The following PPP1R13B variants were observed in gnomAD, a reference collection of about 807,000 sequenced individuals.
PPP1R13B encodes apoptosis-stimulating of p53 protein 1.
A neutral mutation model predicts 119.8 loss-of-function variants in PPP1R13B; 44 were observed. That is an observed-to-expected ratio of 0.37 (90% confidence interval 0.29 to 0.47). The LOEUF (loss-of-function observed/expected upper bound fraction) is 0.47. Among genes scored for constraint, PPP1R13B ranks in the 20% least tolerant of loss-of-function variants. The pLI is 0.99. For synonymous variants in PPP1R13B, 542 were observed against 561.5 expected, an observed-to-expected ratio of 0.97 and a Z score of 0.49; for missense variants, 1,227 against 1,413.5, an observed-to-expected ratio of 0.87 and a Z score of 2.12.
At chr14:103,779,124 C>T (rs1341229035) in intron 3 of PPP1R13B, among the ~76,000 whole-genome samples, 2 of 151,790 alleles carry the variant, frequency 1.3e-5, no homozygotes, top group Non-Finnish European at 2.9e-5. Context: ...TTTGTTTCCA[C>T]AATAAATATT....
chr14:103,747,670 C>G (rs2084421069), intron 8 of PPP1R13B, among the ~76,000 whole-genome samples: 2 of 152,128 alleles, frequency 1.3e-5, no homozygotes, highest in African/African-American at 4.8e-5. Flanking sequence ...CCCTTCCCAC[C>G]CTTTCCCCGA....
chr14:103,734,676 A>G lies in PPP1R13B; in HGVS notation c.*478T>C, dbSNP rs2084044856. 1 of 456,962 alleles carries G rather than the reference A, an allele frequency of 2.2e-6. No individual in the cohort carries two copies. The highest frequency in any genetic ancestry group is 4.4e-6 in the Non-Finnish European group (1 of 227,092). The allele number at this position is 456,962 out of a possible 1,614,324, so 28.3% of individuals were successfully genotyped here. On this transcript the variant is annotated 3_prime_UTR_variant, in exon 17 of 17. Coordinates refer to ENST00000202556, the MANE Select transcript of PPP1R13B (RefSeq NM_015316.3). ...CATACAGAGGCTCCTTTGGTGATGAAGGGAAGAAGGATCATGTGTGGGAAG... is the reference window on the plus strand; with the variant it reads ...CATACAGAGGCTCCTTTGGTGATGAGGGGAAGAAGGATCATGTGTGGGAAG...
chr14:103,820,987 A>G (rs2086393647), intron 1 of PPP1R13B, among the ~76,000 whole-genome samples: 1 of 152,154 alleles, frequency 6.6e-6, no homozygotes, highest in African/African-American at 2.4e-5. Context: ...GAAAGCATTC[A>G]ATTAAAAGGG....
At chr14:103,821,872 T>C (rs1011836469) in intron 1 of PPP1R13B, among the ~76,000 whole-genome samples, 2 of 152,180 alleles carry the variant, frequency 1.3e-5, no homozygotes, top group Non-Finnish European at 2.9e-5. Flanking sequence ...CTGGAAAATG[T>C]AAGCTAAGTG....
chr14:103,797,780 G>GAT (rs966997423), intron 1 of PPP1R13B, among the ~76,000 whole-genome samples: 32 of 151,592 alleles, frequency 2.1e-4, no homozygotes, highest in African/African-American at 7.0e-4. Context: ...GACAGCAGTA[G>GAT]ATATATATAT....
upstream of PPP1R13B, chr14:103,848,319 T>A: frequency 1.0e-6 from 1 of 985,288 alleles, no homozygotes; most frequent in Non-Finnish European, 1.2e-6. Context: ...CCGGGGAGGG[T>A]CCGGTCCTCG....
chr14:103,739,061 T>C (rs2151962301), intron 12 of PPP1R13B, 38 bp from the exon 13 acceptor site: 2 of 1,588,522 alleles, frequency 1.3e-6, no homozygotes, highest in Non-Finnish European at 1.7e-6. Flanking sequence ...TTAAAGGTGG[T>C]CCACTGAAGT....
At chr14:103,843,907 C>G (rs1052132746) in intron 1 of PPP1R13B, among the ~76,000 whole-genome samples, 3 of 149,150 alleles carry the variant, frequency 2.0e-5, no homozygotes, top group Non-Finnish European at 4.4e-5. Flanking sequence ...GAGCCGAGGT[C>G]ATGCCACTGC....
At chr14:103,808,708 T>C (rs2086075838) in intron 1 of PPP1R13B, among the ~76,000 whole-genome samples, 2 of 152,254 alleles carry the variant, frequency 1.3e-5, no homozygotes, top group African/African-American at 4.8e-5. Flanking sequence ...TTTAGTAAGA[T>C]CATATTAAGT....
At chr14:103,780,708 G>A (rs922020123) in intron 3 of PPP1R13B, among the ~76,000 whole-genome samples, 2 of 151,442 alleles carry the variant, frequency 1.3e-5, no homozygotes, top group African/African-American at 4.9e-5. Flanking sequence ...CAGCTACTTG[G>A]GAGGCTGAGA....
In PPP1R13B at chr14:103,740,469, A is replaced by G. The variant is rs748627355; in HGVS notation, c.1947T>C (p.Pro649=). The G allele has an allele frequency of 6.2e-7, 1 of 1,609,652 alleles. No homozygotes were observed. Among genetic ancestry groups the G allele is most frequent in the Non-Finnish European group, 8.5e-7 (1 of 1,177,048 alleles). ...QPPSESTEKE[P]EQDGPAAPAD... is the part of the protein sequence containing the mutation. ...CGGGGGCGGCGGGGCCATCCTGCTC[A>G]GGCTCTTTCTCAGTACTTTCTGAAG... is the stretch of plus-strand genomic sequence containing the variant. Residue 649 remains proline (P), a synonymous_variant, in exon 12 of 17, where the codon CCT becomes CCC. Transcript: ENST00000202556. This position sits in a 1 kb window ranked among gnomAD's most constrained non-coding sequence, Gnocchi z 4.6.
chr14:103,778,915 CAAGTGT>C, intron 3 of PPP1R13B, 94 bp from the exon 4 acceptor site: 1 of 984,668 alleles, frequency 1.0e-6, no homozygotes, highest in Non-Finnish European at 1.6e-6. Context: ...TTATTGAACA[CAAGTGT>C]AAAATACCAG....
At chr14:103,794,254 C>T (rs1480762965) in intron 2 of PPP1R13B, among the ~76,000 whole-genome samples, 7 of 152,094 alleles carry the variant, frequency 4.6e-5, no homozygotes, top group Non-Finnish European at 1.0e-4. Context: ...CTGATAATTA[C>T]TATTGAAGGA....
intron 11 of PPP1R13B, 122 bp downstream of exon 11, chr14:103,741,668 G>A (rs1266039789): frequency 4.1e-5 from 52 of 1,270,142 alleles, no homozygotes; most frequent in Non-Finnish European, 5.4e-5. Context: ...GTACTTTTAT[G>A]TAAGAATTAA....
At position 103,763,356 on chromosome 14, in the gene PPP1R13B, C is replaced by A. The variant is rs563762091; in HGVS notation, c.355-5605G>T. On this transcript the variant is annotated intron_variant, in intron 4 of 16. Transcript: ENST00000202556. ...TGTTTAATGCACCTTTTAATCTCTT[C>A]CTTATCAGTGGCGGTTATGTCTCCT... is the stretch of plus-strand genomic sequence containing the variant. 7.4e-5 allele frequency: 15 copies of A among 203,102 alleles called. No homozygotes were observed. The South Asian group carries it at 1.2e-3, about 16-fold the overall frequency. The allele number at this position is 203,102 out of a possible 1,614,324, so 12.6% of individuals were successfully genotyped here. A position where few individuals can be genotyped will look rare whatever the true frequency, so the allele number is the denominator to read the frequency against.
At chr14:103,824,702 A>T (rs536501293) in intron 1 of PPP1R13B, among the ~76,000 whole-genome samples, 71 of 152,094 alleles carry the variant, frequency 4.7e-4, no homozygotes, top group African/African-American at 1.6e-3. Context: ...CTCAAAAAAA[A>T]AAAAAAGGAG....
intron 4 of PPP1R13B, among the ~76,000 whole-genome samples, chr14:103,759,923 A>G (rs1012843986): frequency 1.3e-5 from 2 of 152,234 alleles, no homozygotes; most frequent in East Asian, 1.9e-4. Flanking sequence ...CAAAATTAAG[A>G]TACGCCATCT....
chr14:103,738,821 C>A lies in PPP1R13B; in HGVS notation c.2731-9G>T, dbSNP rs755051551. On this transcript the variant is annotated splice_polypyrimidine_tract_variant and intron_variant, in intron 13 of 16. Transcript: ENST00000202556. This position sits in a 1 kb window ranked among gnomAD's most constrained non-coding sequence, Gnocchi z 5.6. Reference sequence around the variant, plus strand: ...TTGCTGGGATCTTCCACCTAGGACACACGGCCTGTGAGCGCCCATCCCCTC... The same window carrying A: ...TTGCTGGGATCTTCCACCTAGGACAAACGGCCTGTGAGCGCCCATCCCCTC... 3.1e-6 allele frequency: 5 copies of A among 1,614,008 alleles called. No homozygotes were observed. Among genetic ancestry groups the A allele is most frequent in the Non-Finnish European group, 3.4e-6 (4 of 1,179,932 alleles).
upstream of PPP1R13B, chr14:103,847,654 C>T (rs1213403942): frequency 1.0e-6 from 1 of 978,796 alleles, no homozygotes. Context: ...GTCCCGTAGC[C>T]CCCTCTGATT....
Sources: gnomAD v4.1 joint callset for allele counts (sites outside exome capture counted in the v4.1 genomes callset) on GRCh38, gnomAD v4.1.1 for gene constraint, Gnocchi (gnomAD v3.1) non-coding constraint, MANE v1.5 for transcripts, NCBI Gene and HGNC (gene_info 2026-07-23, HGNC 2026-07-21) for gene names.